Variants in TCF7L2 observed in about 807,000 individuals in gnomAD.
The protein encoded by TCF7L2 is transcription factor 7 like 2, also known as transcription factor 7-like 2.
A neutral mutation model predicts 77.9 loss-of-function variants in TCF7L2; 23 were observed. The ratio of observed to expected loss-of-function variants is 0.30; its 90% CI spans 0.21 to 0.42. The LOEUF is 0.42. Among genes scored for constraint, TCF7L2 ranks in the 10% least tolerant of loss-of-function variants. The pLI is 1.00. For synonymous variants in TCF7L2, 413 were observed against 340.2 expected (o/e 1.21, Z -2.36); for missense variants, 654 against 793.1 (o/e 0.82, Z 2.11).
At chr10:113,159,651 A>T (rs918205425) in intron 12 of TCF7L2, among the ~76,000 whole-genome samples, 9 of 152,000 alleles carry the variant, frequency 5.9e-5, no homozygotes, top group Non-Finnish European at 7.4e-5. Context: ...TAAAGAAGGG[A>T]TACTGCAGCT....
At chr10:113,092,493 T>C (rs957419390) in intron 5 of TCF7L2, among the ~76,000 whole-genome samples, 4 of 152,208 alleles carry the variant, frequency 2.6e-5, no homozygotes, top group Non-Finnish European at 5.9e-5. Flanking sequence ...TGTGTCTGTG[T>C]GATGGGCCAG....
intron 5 of TCF7L2, among the ~76,000 whole-genome samples, chr10:113,053,319 G>T (rs1361861094): frequency 6.6e-6 from 1 of 152,182 alleles, no homozygotes; most frequent in Non-Finnish European, 1.5e-5. Flanking sequence ...TTGGCTAAGT[G>T]CTGTGGTGTC....
chr10:113,017,223 G>A (rs1407900493), intron 4 of TCF7L2, among the ~76,000 whole-genome samples: 1 of 152,158 alleles, frequency 6.6e-6, no homozygotes, highest in African/African-American at 2.4e-5. Flanking sequence ...AACCATGAGG[G>A]ATTCTGGTCC....
chr10:112,998,100 A>C (rs996263126), intron 4 of TCF7L2, among the ~76,000 whole-genome samples: 15 of 149,548 alleles, frequency 1.0e-4, no homozygotes, highest in African/African-American at 3.4e-4. Flanking sequence ...TTCTGGTCCT[A>C]CTTTTTTTTT....
chr10:112,974,648 T>C (rs554706523), intron 4 of TCF7L2, among the ~76,000 whole-genome samples: 7 of 152,304 alleles, frequency 4.6e-5, no homozygotes, highest in Non-Finnish European at 1.0e-4. Context: ...TTTCACCATC[T>C]TGACCAGGCT....
At chr10:113,086,335 T>TC (rs962544036) in intron 5 of TCF7L2, among the ~76,000 whole-genome samples, 1 of 152,200 alleles carries the variant, frequency 6.6e-6, no homozygotes, top group African/African-American at 2.4e-5. Context: ...TCCAGAATGA[T>TC]CAGGCATCAG....
chr10:113,123,710 C>T (rs2065138189), intron 5 of TCF7L2, among the ~76,000 whole-genome samples: 1 of 152,114 alleles, frequency 6.6e-6, no homozygotes, highest in Admixed American at 6.5e-5. Context: ...TAATTTGACA[C>T]AAGTCCATTT....
At chr10:113,110,101 A>G (rs1179848059) in intron 5 of TCF7L2, among the ~76,000 whole-genome samples, 1 of 152,234 alleles carries the variant, frequency 6.6e-6, no homozygotes, top group Non-Finnish European at 1.5e-5. Flanking sequence ...AACAAGCATG[A>G]TAATTCTTGA....
chr10:113,057,195 T>A (rs1357562623), intron 5 of TCF7L2, among the ~76,000 whole-genome samples: 1 of 152,152 alleles, frequency 6.6e-6, no homozygotes. Flanking sequence ...TGTAAACACA[T>A]ACTTGGTGAT....
At chr10:113,104,825 CAGACA>C (rs753344890) in intron 5 of TCF7L2, among the ~76,000 whole-genome samples, 5 of 152,244 alleles carry the variant, frequency 3.3e-5, no homozygotes, top group Middle Eastern at 6.8e-3. Context: ...GGGTCTAAGG[CAGACA>C]AGACAGTACC....
At chr10:112,977,922 A>G (rs1405627209) in intron 4 of TCF7L2, among the ~76,000 whole-genome samples, 1 of 152,228 alleles carries the variant, frequency 6.6e-6, no homozygotes, top group East Asian at 1.9e-4. Flanking sequence ...CATACGAAGC[A>G]GAAAGGAGAG....
At position 112,951,595 on chromosome 10, in the gene TCF7L2, C is replaced by T. The variant is rs2134206003; in HGVS notation, c.369C>T (p.Pro123=). The change falls in exon 3 of 14, where the codon CCC becomes CCT. Residue 123 remains proline (P), a synonymous_variant. Transcript: ENST00000627217. The stretch of plus-strand genomic sequence containing the variant: ...ACCTCCCCAACGGATCGCTCTCGCC[C>T]ACCGCCCGAACCGTAAGTGCCTCCG... The T allele has an allele frequency of 1.5e-6, 2 of 1,333,546 alleles. No homozygotes were observed. The highest frequency in any genetic ancestry group is 2.0e-6 in the Non-Finnish European group (2 of 1,012,820). The allele number at this position is 1,333,546 out of a possible 1,614,324, so 82.6% of individuals were successfully genotyped here.
At chr10:112,956,284 A>G (rs968053175) in intron 3 of TCF7L2, among the ~76,000 whole-genome samples, 20 of 151,588 alleles carry the variant, frequency 1.3e-4, no homozygotes, top group African/African-American at 4.4e-4. Context: ...TCTCCTGCAC[A>G]GGAAGTAGAT....
intron 5 of TCF7L2, among the ~76,000 whole-genome samples, chr10:113,116,942 G>A (rs1003729722): frequency 2.0e-5 from 3 of 152,160 alleles, no homozygotes; most frequent in Non-Finnish European, 4.4e-5. Context: ...CGCAGTATGA[G>A]TGTGGTTTGA....
At chr10:113,142,221 T>C (rs1354099512) in intron 6 of TCF7L2, among the ~76,000 whole-genome samples, 1 of 152,194 alleles carries the variant, frequency 6.6e-6, no homozygotes, top group Admixed American at 6.5e-5. Context: ...GCCAGGCTGG[T>C]CTCGAACTCC....
intron 5 of TCF7L2, among the ~76,000 whole-genome samples, chr10:113,137,738 C>T (rs149417016): frequency 1.3e-5 from 2 of 152,340 alleles, no homozygotes; most frequent in Admixed American, 6.5e-5. Flanking sequence ...TTGTCTTTCC[C>T]TTTGAATGCT....
intron 4 of TCF7L2, among the ~76,000 whole-genome samples, chr10:113,027,487 GTTCTC>G (rs2049395583): frequency 6.6e-6 from 1 of 151,994 alleles, no homozygotes; most frequent in Admixed American, 6.6e-5. Flanking sequence ...AATATCCATT[GTTCTC>G]TTCTCTGCTT....
chr10:112,961,266 C>A (rs1014434526), intron 3 of TCF7L2, among the ~76,000 whole-genome samples: 3 of 125,740 alleles, frequency 2.4e-5, no homozygotes, highest in East Asian at 2.5e-4. Context: ...CCCCCCCCCC[C>A]CAACCTCGGC....
At chr10:113,053,663 A>T (rs1229309451) in intron 5 of TCF7L2, among the ~76,000 whole-genome samples, 1 of 152,204 alleles carries the variant, frequency 6.6e-6, no homozygotes, top group Non-Finnish European at 1.5e-5. Context: ...TAAAAGCCTC[A>T]TTTTGATCGT....
Sources: gnomAD v4.1 joint callset for allele counts (sites outside exome capture counted in the v4.1 genomes callset) on GRCh38, gnomAD v4.1.1 for gene constraint, MANE v1.5 for transcripts, NCBI Gene and HGNC (gene_info 2026-07-23, HGNC 2026-07-21) for gene names.